The following GPD2 variants were observed in gnomAD, a reference collection of about 807,000 sequenced individuals.
The protein encoded by GPD2 is glycerol-3-phosphate dehydrogenase 2.
GPD2 carries 54 observed loss-of-function variants against 82.4 expected under a neutral mutation model. The ratio of observed to expected loss-of-function variants is 0.66; its 90% CI spans 0.53 to 0.82. GPD2 has a LOEUF of 0.82. Among genes scored for constraint, GPD2 ranks in the 40% least tolerant of loss-of-function variants. The probability of loss-of-function intolerance (pLI) is 0.00; values close to 1 mark genes in which losing one functional copy is unlikely to be tolerated. For missense variants in GPD2, 748 were observed against 896.2 expected (o/e 0.83, Z 2.11); for synonymous variants, 288 against 306.1 (o/e 0.94, Z 0.62).
Position 156,586,204 on chromosome 2 carries a change from G to A in GPD2, c.*3286G>A, listed in dbSNP as rs1387442121. Reference sequence around the variant, plus strand: ...TTGCAGTCAGATAACTTTGATTACTGTTGAAGTTTAAAAAAAGTTTGAAAA... The same window carrying A: ...TTGCAGTCAGATAACTTTGATTACTATTGAAGTTTAAAAAAAGTTTGAAAA... On this transcript the variant is annotated 3_prime_UTR_variant, in exon 17 of 17. Coordinates refer to ENST00000438166, the MANE Select transcript of GPD2 (RefSeq NM_000408.5). The A allele has an allele frequency of 1.3e-5, 2 of 152,312 alleles. No individual in the cohort carries two copies. Among genetic ancestry groups the A allele is most frequent in the African/African-American group, 4.8e-5 (2 of 41,378 alleles). 9.4% of individuals were successfully genotyped at this position (152,312 alleles called of 1,614,324 possible).
At chr2:156,405,322 C>G in the GPD2 span, among the ~76,000 whole-genome samples, 12 of 152,130 alleles carry the variant, frequency 7.9e-5, no homozygotes, top group Non-Finnish European at 1.5e-4. Flanking sequence ...GGAAGAGGTG[C>G]CTGCTAGGTG....
At chr2:156,522,648 T>G (rs1685451177) in intron 6 of GPD2, among the ~76,000 whole-genome samples, 1 of 151,898 alleles carries the variant, frequency 6.6e-6, no homozygotes, top group Non-Finnish European at 1.5e-5. Flanking sequence ...ACCACCAATG[T>G]TTTACATTTG....
intron 6 of GPD2, among the ~76,000 whole-genome samples, chr2:156,540,253 C>G (rs372205939): frequency 9.2e-5 from 14 of 152,352 alleles, no homozygotes; most frequent in African/African-American, 3.4e-4. Flanking sequence ...TCTATTGCTG[C>G]TGCCCCTAGA....
intron 2 of GPD2, among the ~76,000 whole-genome samples, chr2:156,488,616 AT>A (rs202232484): frequency 1.7e-3 from 251 of 145,592 alleles, no homozygotes; most frequent in Middle Eastern, 3.5e-3. Flanking sequence ...AATGTCTAGG[AT>A]TTTTTTTTTT....
chr2:156,440,086 C>G (rs1682113967), intron 1 of GPD2, among the ~76,000 whole-genome samples: 1 of 152,086 alleles, frequency 6.6e-6, no homozygotes, highest in African/African-American at 2.4e-5. Flanking sequence ...AGTTGCTCAT[C>G]AAAATACTTA....
Position 156,513,313 on chromosome 2 carries a change from C to T in GPD2, c.498-20C>T. ...CTATACTCTGTTTCTGAAGAACTTT[C>T]CCCCCTATTTATGCTGTAGGTGGTG... On this transcript the variant is annotated intron_variant, in intron 5 of 16. Coordinates refer to ENST00000438166, the MANE Select transcript of GPD2 (RefSeq NM_000408.5). 6.4e-7 allele frequency: 1 copy of T among 1,567,118 alleles called. No homozygotes were observed. Among genetic ancestry groups the T allele is most frequent in the Middle Eastern group, 2.3e-4 (1 of 4,414 alleles).
At position 156,461,430 on chromosome 2, in the gene GPD2, C is replaced by A. The variant is rs547443983; in HGVS notation, c.-8-14668C>A. ...TTGAGACAGGGTCTCACTTTGTCAC[C>A]CAGGTTGGTGTGATCGTGGCTCACT... On this transcript the variant is annotated intron_variant, in intron 1 of 16. Transcript: ENST00000438166. Among the ~76,000 whole-genome samples the A allele has an allele frequency of 3.4e-3, 511 of 152,168 alleles. 9 individuals are homozygous for A. The highest frequency in any genetic ancestry group is 0.012 in the African/African-American group (491 of 41,506).
At chr2:156,556,895 G>A (rs936744953) in intron 8 of GPD2, among the ~76,000 whole-genome samples, 1 of 152,166 alleles carries the variant, frequency 6.6e-6, no homozygotes, top group Non-Finnish European at 1.5e-5. Context: ...TTTCTAGAAA[G>A]GTAGACCCTT....
At chr2:156,424,171 T>C in the GPD2 span, among the ~76,000 whole-genome samples, 1 of 147,054 alleles carries the variant, frequency 6.8e-6, no homozygotes, top group East Asian at 2.0e-4. Context: ...GGACTCAGGT[T>C]ACCTTCAGGA....
intron 1 of GPD2, among the ~76,000 whole-genome samples, chr2:156,469,136 G>C (rs766722746): frequency 6.6e-6 from 1 of 152,076 alleles, no homozygotes; most frequent in African/African-American, 2.4e-5. Flanking sequence ...AGTTTTACCC[G>C]TGTTGTTGCA....
rs1688142397 is a variant in GPD2, at chr2:156,584,442, A to G, written c.*1524A>G. 1 of 152,424 alleles carries G rather than the reference A, an allele frequency of 6.6e-6. No homozygotes were observed. Among genetic ancestry groups the G allele is most frequent in the African/African-American group, 2.4e-5 (1 of 41,436 alleles). 9.4% of individuals were successfully genotyped at this position (152,424 alleles called of 1,614,324 possible). A position where few individuals can be genotyped will look rare whatever the true frequency, so the allele number is the denominator to read the frequency against. On this transcript the variant is annotated 3_prime_UTR_variant, in exon 17 of 17. Transcript: ENST00000438166. ...TATGTCAATACTGCAGAGTATCTTT[A>G]TGCCTTATTCAAGTGGATTCTGAGC...
At chr2:156,459,686 C>CAAAAAAAAAAAAA (rs564494059) in intron 1 of GPD2, among the ~76,000 whole-genome samples, 1,359 of 38,654 alleles carry the variant, frequency 0.035, 263 homozygotes, top group East Asian at 0.075. Context: ...GACTCCGTCT[C>CAAAAAAAAAAAAA]AAAAAAAAAA....
chr2:156,540,905 T>C (rs1686284004), intron 6 of GPD2, among the ~76,000 whole-genome samples: 1 of 152,228 alleles, frequency 6.6e-6, no homozygotes, highest in South Asian at 2.1e-4. Context: ...GTTTGCCAGA[T>C]TGATGAGCAA....
intron 9 of GPD2, among the ~76,000 whole-genome samples, chr2:156,560,674 G>A: frequency 6.6e-6 from 1 of 152,124 alleles, no homozygotes; most frequent in East Asian, 1.9e-4. Context: ...CTTGATCTTA[G>A]TAAAGAGTAT....
intron 1 of GPD2, among the ~76,000 whole-genome samples, chr2:156,454,072 A>G (rs1682709137): frequency 6.6e-6 from 1 of 152,110 alleles, no homozygotes; most frequent in South Asian, 2.1e-4. Flanking sequence ...AAGAGGATAG[A>G]AGAGAAATTG....
chr2:156,430,032 T>C, the GPD2 span, among the ~76,000 whole-genome samples: 1 of 152,236 alleles, frequency 6.6e-6, no homozygotes, highest in Non-Finnish European at 1.5e-5. Flanking sequence ...GATACGATTA[T>C]GTTAGATGCA....
At chr2:156,554,280 C>A (rs529066686) in intron 8 of GPD2, among the ~76,000 whole-genome samples, 1 of 152,300 alleles carries the variant, frequency 6.6e-6, no homozygotes, top group South Asian at 2.1e-4. Context: ...TTGACTAGGT[C>A]TTCAGGGATG....
intron 3 of GPD2, among the ~76,000 whole-genome samples, chr2:156,497,245 A>G (rs1382554608): frequency 6.6e-6 from 1 of 152,162 alleles, no homozygotes; most frequent in Non-Finnish European, 1.5e-5. Flanking sequence ...TCTCTGAATG[A>G]TTGTTGTGAG....
At chr2:156,407,531 C>T in the GPD2 span, among the ~76,000 whole-genome samples, 1 of 152,058 alleles carries the variant, frequency 6.6e-6, no homozygotes, top group African/African-American at 2.4e-5. Flanking sequence ...TTCTATCTCA[C>T]AATAATAAGC....
Sources: gnomAD v4.1 joint callset for allele counts (sites outside exome capture counted in the v4.1 genomes callset) on GRCh38, gnomAD v4.1.1 for gene constraint, MANE v1.5 for transcripts, NCBI Gene and HGNC (gene_info 2026-07-23, HGNC 2026-07-21) for gene names.